NLRP8: variants seen among roughly 807,000 people sequenced by gnomAD.
NLRP8 encodes NACHT, LRR and PYD domains-containing protein 8.
In NLRP8, 86 loss-of-function variants were observed where a neutral mutation model predicts 88.7. The ratio of observed to expected loss-of-function variants is 0.97; its 90% confidence interval spans 0.81 to 1.16. The LOEUF is 1.16. NLRP8 is among the 50% of genes most tolerant of loss of function. The pLI, the probability that NLRP8 is intolerant of heterozygous loss-of-function variation, is 0.00. For missense variants in NLRP8, 1,342 were observed against 1,286.5 expected, an observed-to-expected ratio of 1.04 and a Z score of -0.66; for synonymous variants, 504 against 494.6, an observed-to-expected ratio of 1.02 and a Z score of -0.25.
intron 1 of NLRP8, among the ~76,000 whole-genome samples, chr19:55,950,935 G>A (rs539466300): frequency 5.9e-5 from 9 of 152,204 alleles, no homozygotes; most frequent in African/African-American, 1.4e-4. Flanking sequence ...GAAATTAGCC[G>A]GGCGTGGTGG....
At chr19:55,970,478 C>T (rs954066414) in intron 5 of NLRP8, 66 bp from the exon 6 acceptor site, 1 of 1,546,926 alleles carries the variant, frequency 6.5e-7, no homozygotes, top group African/African-American at 1.4e-5. Flanking sequence ...CAGTGGAATC[C>T]AGGAGGTCCT....
intron 9 of NLRP8, among the ~76,000 whole-genome samples, chr19:55,987,395 G>T (rs1980899433): frequency 6.6e-6 from 1 of 152,198 alleles, no homozygotes; most frequent in South Asian, 2.1e-4. Flanking sequence ...ACAGAGTAGG[G>T]GGTACTGCAA....
chr19:55,950,702 G>T (rs892275249), intron 1 of NLRP8, among the ~76,000 whole-genome samples: 2 of 152,148 alleles, frequency 1.3e-5, no homozygotes, highest in South Asian at 4.1e-4. Context: ...CCACACTTTT[G>T]TGCTTTGAGT....
chr19:55,972,796 T>G (rs1435771077), intron 6 of NLRP8, among the ~76,000 whole-genome samples: 2 of 75,636 alleles, frequency 2.6e-5, no homozygotes, highest in Admixed American at 3.3e-4. Context: ...CCATGGTGTG[T>G]GTGTGTGTGT....
At chr19:55,967,912 C>T (rs1353965041) in intron 5 of NLRP8, among the ~76,000 whole-genome samples, 1 of 152,176 alleles carries the variant, frequency 6.6e-6, no homozygotes, top group Non-Finnish European at 1.5e-5. Flanking sequence ...TGCTAGGGTG[C>T]AGCAAACTTT....
chr19:55,971,029 C>T (rs117592240), intron 6 of NLRP8, among the ~76,000 whole-genome samples: 1,558 of 152,166 alleles, frequency 0.01, 6 homozygotes, highest in Admixed American at 0.014. Flanking sequence ...TGCCCCCGAC[C>T]CCACTGTGAT....
intron 9 of NLRP8, among the ~76,000 whole-genome samples, chr19:55,986,980 AC>A (rs1200903920): frequency 6.6e-6 from 1 of 152,018 alleles, no homozygotes; most frequent in Non-Finnish European, 1.5e-5. Context: ...AAGTCCAGTT[AC>A]CCCATTTTGC....
intron 8 of NLRP8, among the ~76,000 whole-genome samples, chr19:55,978,019 T>C (rs749944726): frequency 6.6e-6 from 1 of 152,162 alleles, no homozygotes; most frequent in Non-Finnish European, 1.5e-5. Context: ...CTTTCTACAC[T>C]TGAAAGTGTT....
intron 3 of NLRP8, among the ~76,000 whole-genome samples, chr19:55,960,862 C>T: frequency 6.7e-6 from 1 of 149,868 alleles, no homozygotes; most frequent in East Asian, 1.9e-4. Flanking sequence ...CTATTTCCCC[C>T]TTGACATACT....
In NLRP8 at chr19:55,973,748, C is replaced by A. The variant is rs182237860; in HGVS notation, c.2631C>A (p.Asn877Lys). The change falls in exon 7 of 10, where the codon AAC becomes AAA. Residue 877 changes from asparagine (N) to lysine (K), a missense_variant. Asn to Lys is a moderately conservative substitution (Grantham distance 94, BLOSUM62 0). Coordinates refer to ENST00000291971, the MANE Select transcript of NLRP8 (RefSeq NM_176811.2). Reference sequence around the variant, plus strand: ...TGACCCACCTGAGCTTGGCAGAAAACGCCTTGAAAGATGAAGGGGCCAAGC... The same window carrying A: ...TGACCCACCTGAGCTTGGCAGAAAAAGCCTTGAAAGATGAAGGGGCCAAGC... 685 of 1,614,060 alleles carry A rather than the reference C, an allele frequency of 4.2e-4. No homozygotes were observed. The highest frequency in any genetic ancestry group is 5.2e-4 in the Non-Finnish European group (608 of 1,179,980).
intron 4 of NLRP8, among the ~76,000 whole-genome samples, chr19:55,962,852 C>G (rs886748112): frequency 6.6e-6 from 1 of 152,100 alleles, no homozygotes; most frequent in African/African-American, 2.4e-5. Flanking sequence ...CAGTCCCGCA[C>G]GTGAAGCCCA....
intron 9 of NLRP8, among the ~76,000 whole-genome samples, chr19:55,980,029 C>A (rs1371953347): frequency 6.6e-6 from 1 of 152,214 alleles, no homozygotes; most frequent in Non-Finnish European, 1.5e-5. Context: ...GCTGTTCAAA[C>A]CCCCAACTCC....
chr19:55,971,376 G>A (rs1391046640), intron 6 of NLRP8, among the ~76,000 whole-genome samples: 1 of 149,464 alleles, frequency 6.7e-6, no homozygotes, highest in Non-Finnish European at 1.5e-5. Context: ...GGAGGCTAGA[G>A]GTTGCAGTGA....
Position 55,964,870 on chromosome 19 carries a change from T to A in NLRP8, c.2214-1343T>A, listed in dbSNP as rs374973830. On this transcript the variant is annotated intron_variant, in intron 4 of 9. Coordinates refer to ENST00000291971, the MANE Select transcript of NLRP8 (RefSeq NM_176811.2). ...ATATGTTAAATATATGCAGGTTTTT[T>A]AATATCAAATCGATTATACCTCAAG... 1.1e-3 allele frequency among the ~76,000 whole-genome samples: 174 copies of A among 152,342 alleles called. 1 individual carries two copies. The highest frequency in any genetic ancestry group is 4.1e-3 in the African/African-American group (170 of 41,574).
In NLRP8 at chr19:55,986,753, CCTT is replaced by C. The variant is rs1422989699; in HGVS notation, c.3048-1057_3048-1055del. 1.5e-4 allele frequency among the ~76,000 whole-genome samples: 23 copies of C among 151,690 alleles called. No individual in the cohort carries two copies. In the East Asian group the frequency reaches 1.6e-3, roughly 10 times the overall value. ...CACGTGGGCGTGGAGCTGGGCGTGG[CCTT>C]CTTTTTTCCGTGATTGCCAGCTGGC... On this transcript the variant is annotated intron_variant, in intron 9 of 9. Coordinates refer to ENST00000291971, the MANE Select transcript of NLRP8 (RefSeq NM_176811.2).
chr19:55,970,146 A>C (rs1010136113), intron 5 of NLRP8, among the ~76,000 whole-genome samples: 5 of 152,200 alleles, frequency 3.3e-5, no homozygotes, highest in Non-Finnish European at 5.9e-5. Context: ...AAAAATGATT[A>C]AATTGGTGAG....
chr19:55,948,103 C>T lies in NLRP8; in HGVS notation c.201C>T (p.Gly67=). ...TCTTACTGACTGAGCTCAGTACTGGCACCATGCCCATCACCTGGGACCAGG... is the reference window on the plus strand; with the variant it reads ...TCTTACTGACTGAGCTCAGTACTGGTACCATGCCCATCACCTGGGACCAGG... The change falls in exon 1 of 10, where the codon GGC becomes GGT. Residue 67 remains glycine, a synonymous_variant. Transcript: ENST00000291971. 1 of 1,614,148 alleles carries T rather than the reference C, an allele frequency of 6.2e-7. No homozygotes were observed. The highest frequency in any genetic ancestry group is 8.5e-7 in the Non-Finnish European group (1 of 1,180,026).
chr19:55,966,081 C>A, intron 4 of NLRP8, 132 bp from the exon 5 acceptor site: 1 of 698,902 alleles, frequency 1.4e-6, no homozygotes, highest in Non-Finnish European at 2.5e-6. Flanking sequence ...ATCCTGAATT[C>A]AGTTGTAAAC....
At chr19:55,986,215 C>A (rs997943997) in intron 9 of NLRP8, among the ~76,000 whole-genome samples, 1 of 151,986 alleles carries the variant, frequency 6.6e-6, no homozygotes, top group Non-Finnish European at 1.5e-5. Flanking sequence ...TGTCAATACA[C>A]AAAAAATTAA....
Sources: allele counts gnomAD v4.1 joint callset (sites outside exome capture counted in the v4.1 genomes callset), GRCh38; gene constraint gnomAD v4.1.1; transcripts MANE v1.5; gene names NCBI Gene and HGNC (gene_info 2026-07-23, HGNC 2026-07-21).